Variants in RTL4 observed in about 807,000 individuals in gnomAD.
The protein encoded by RTL4 is retrotransposon Gag-like protein 4.
A neutral mutation model predicts 5.3 loss-of-function variants in RTL4; 4 were observed. The ratio of observed to expected loss-of-function variants is 0.75; its 90% CI spans 0.37 to 1.72. The LOEUF is 1.72. Among genes scored for constraint, RTL4 ranks in the 40% most tolerant of loss-of-function variants. RTL4 has a pLI of 0.04. For missense variants in RTL4, 260 were observed against 227.1 expected, an observed-to-expected ratio of 1.14 and a Z score of -0.93; for synonymous variants, 98 against 87.3, an observed-to-expected ratio of 1.12 and a Z score of -0.68.
chrX:112,416,036 C>T, the RTL4 span, among the ~76,000 whole-genome samples: 1 of 111,988 alleles, frequency 8.9e-6, no homozygotes, highest in Non-Finnish European at 1.9e-5. Flanking sequence ...ACTTTCCTAG[C>T]TTCTAGTTGT....
At chrX:112,108,078 CAGT>C in the RTL4 span, among the ~76,000 whole-genome samples, 2 of 111,114 alleles carry the variant, frequency 1.8e-5, no homozygotes, top group African/African-American at 6.5e-5. Context: ...TCTGCTTGAT[CAGT>C]TCTGCTGTGG....
the RTL4 span, among the ~76,000 whole-genome samples, chrX:112,268,655 T>G: frequency 3.6e-5 from 4 of 111,646 alleles, no homozygotes; most frequent in Non-Finnish European, 7.5e-5. Flanking sequence ...AGGTGTTTTT[T>G]TCTTCACACA....
chrX:112,264,251 A>G, the RTL4 span, among the ~76,000 whole-genome samples: 1 of 112,220 alleles, frequency 8.9e-6, no homozygotes, highest in Non-Finnish European at 1.9e-5. Context: ...GTGTAGAGGG[A>G]TGGGACATCA....
the RTL4 span, among the ~76,000 whole-genome samples, chrX:112,276,888 C>G: frequency 9.0e-6 from 1 of 111,613 alleles, no homozygotes; most frequent in Non-Finnish European, 1.9e-5. Flanking sequence ...TTTGCATATA[C>G]TTAACAGAGC....
chrX:112,408,569 A>G, the RTL4 span, among the ~76,000 whole-genome samples: 1 of 102,082 alleles, frequency 9.8e-6, no homozygotes, highest in African/African-American at 3.8e-5. Flanking sequence ...TGAAGTAGGT[A>G]GAGAAAGAGA....
At chrX:112,435,228 T>C in the RTL4 span, among the ~76,000 whole-genome samples, 1 of 111,289 alleles carries the variant, frequency 9.0e-6, no homozygotes. Flanking sequence ...CTAATATTAG[T>C]CCACCACCCC....
upstream of RTL4, among the ~76,000 whole-genome samples, chrX:112,453,273 A>G (rs1218135431): frequency 9.0e-6 from 1 of 111,633 alleles, no homozygotes; most frequent in Non-Finnish European, 1.9e-5. Flanking sequence ...TTTTCCCACC[A>G]GTGGACAATT....
At chrX:112,400,944 T>A in the RTL4 span, among the ~76,000 whole-genome samples, 10 of 111,439 alleles carry the variant, frequency 9.0e-5, no homozygotes, top group Non-Finnish European at 1.9e-4. Context: ...TGATCAAAAT[T>A]GACTCAGGTT....
At chrX:112,443,974 G>A in the RTL4 span, among the ~76,000 whole-genome samples, 13 of 111,255 alleles carry the variant, frequency 1.2e-4, no homozygotes, top group African/African-American at 2.0e-4. Context: ...TTTTTGCTTC[G>A]GTCGCCTATG....
At chrX:112,173,298 C>T in the RTL4 span, among the ~76,000 whole-genome samples, 1 of 111,341 alleles carries the variant, frequency 9.0e-6, no homozygotes, top group East Asian at 2.8e-4. Flanking sequence ...TTAGATGTTT[C>T]ACCTTTAGCA....
the RTL4 span, among the ~76,000 whole-genome samples, chrX:112,363,066 T>G: frequency 9.0e-6 from 1 of 110,828 alleles, no homozygotes; most frequent in East Asian, 2.9e-4. Context: ...GTCAAAGTTA[T>G]CTGATCAGAA....
chrX:112,203,393 A>G, the RTL4 span, among the ~76,000 whole-genome samples: 1 of 111,313 alleles, frequency 9.0e-6, no homozygotes, highest in African/African-American at 3.3e-5. Context: ...TTAGTTTTAT[A>G]TTTAAGTCTA....
the RTL4 span, among the ~76,000 whole-genome samples, chrX:112,431,366 C>T: frequency 6.2e-5 from 7 of 112,024 alleles, no homozygotes; most frequent in Non-Finnish European, 1.1e-4. Flanking sequence ...AGGGAATTTT[C>T]TACAGTATTC....
chrX:112,450,898 CTG>C (rs1186059587), upstream of RTL4, among the ~76,000 whole-genome samples: 1 of 111,886 alleles, frequency 8.9e-6, no homozygotes, highest in Non-Finnish European at 1.9e-5. Context: ...TCATAAACCT[CTG>C]TAAAATGGAA....
chrX:112,358,131 C>G, the RTL4 span, among the ~76,000 whole-genome samples: 5 of 109,781 alleles, frequency 4.6e-5, no homozygotes, highest in Non-Finnish European at 9.5e-5. Context: ...TATTTTTAGG[C>G]AGGGTCTCAC....
At chrX:112,232,175 C>T in the RTL4 span, among the ~76,000 whole-genome samples, 1 of 111,232 alleles carries the variant, frequency 9.0e-6, no homozygotes, top group Non-Finnish European at 1.9e-5. Flanking sequence ...GGCAGTAGCA[C>T]AGCCTCCCTC....
the RTL4 span, among the ~76,000 whole-genome samples, chrX:112,155,734 G>T: frequency 1.8e-5 from 2 of 111,388 alleles, no homozygotes; most frequent in Non-Finnish European, 3.8e-5. Context: ...GCAAGTCTAT[G>T]GTTAATTTCT....
chrX:112,332,832 TA>T, the RTL4 span, among the ~76,000 whole-genome samples: 4 of 110,686 alleles, frequency 3.6e-5, no homozygotes, highest in African/African-American at 1.3e-4. Flanking sequence ...AAGTTAACAA[TA>T]AAAAAAAGAA....
the RTL4 span, among the ~76,000 whole-genome samples, chrX:112,336,679 T>G: frequency 3.3e-3 from 369 of 112,408 alleles, no homozygotes; most frequent in African/African-American, 0.011. Flanking sequence ...TGTCATATAC[T>G]CAATAGCCAC....
Sources: gnomAD v4.1 joint callset for allele counts (sites outside exome capture counted in the v4.1 genomes callset) on GRCh38, gnomAD v4.1.1 for gene constraint, MANE v1.5 for transcripts, NCBI Gene and HGNC (gene_info 2026-07-23, HGNC 2026-07-21) for gene names.